Variants in FBN1 observed in about 807,000 individuals in gnomAD.
The protein encoded by FBN1 is fibrillin 1.
Under a neutral mutation model 365.1 loss-of-function variants are expected in FBN1, and 29 were observed. That is an observed-to-expected ratio of 0.08 (90% CI 0.06 to 0.11). The LOEUF (loss-of-function observed/expected upper bound fraction) is 0.11. Among genes scored for constraint, FBN1 ranks in the 10% least tolerant of loss-of-function variants. The pLI, the probability that FBN1 is intolerant of heterozygous loss-of-function variation, is 1.00. For synonymous variants in FBN1, 1,210 were observed against 1,270.5 expected (o/e 0.95, Z 1.01); for missense variants, 2,476 against 3,703.2 (o/e 0.67, Z 8.60).
At chr15:48,544,879 T>C (rs1027464987) in intron 6 of FBN1, among the ~76,000 whole-genome samples, 1 of 152,208 alleles carries the variant, frequency 6.6e-6, no homozygotes, top group Admixed American at 6.5e-5. Context: ...GGAGAATCGG[T>C]AAAGTCAAAT....
At chr15:48,574,481 G>T (rs922253435) in intron 6 of FBN1, among the ~76,000 whole-genome samples, 2 of 152,054 alleles carry the variant, frequency 1.3e-5, no homozygotes, top group African/African-American at 2.4e-5. Flanking sequence ...TCTGGCAAAG[G>T]AGTCTGGACT....
intron 24 of FBN1, among the ~76,000 whole-genome samples, chr15:48,491,670 A>G (rs893493700): frequency 6.6e-6 from 1 of 152,156 alleles, no homozygotes; most frequent in African/African-American, 2.4e-5. Context: ...AACTACCTAC[A>G]ATAGTCTTCA....
chr15:48,470,703 G>A lies in FBN1; in HGVS notation c.4390C>T (p.Leu1464Phe), dbSNP rs1161494614. ...NICVFGTCHNLPGLFRCECEI... is the reference protein window; with the variant it reads ...NICVFGTCHNFPGLFRCECEI... ...CACTCACAGCGGAACAGGCCAGGGA[G>A]GTTGTGGCAAGTTCCAAAGACACAG... The change falls in exon 36 of 66, where the codon CTC becomes TTC. Residue 1464 changes from leucine (L) to phenylalanine (F), a missense_variant. Around this residue, in one of 5 missense-constraint regions of FBN1, gnomAD observed 1,780 missense variants for 2,840.8 expected, o/e 0.63. Coordinates refer to ENST00000316623, the MANE Select transcript of FBN1 (RefSeq NM_000138.5). 6.2e-7 allele frequency: 1 copy of A among 1,614,080 alleles called. No individual in the cohort carries two copies. The highest frequency in any genetic ancestry group is 1.1e-5 in the South Asian group (1 of 91,052).
At chr15:48,416,121 T>C (rs893389330) in intron 63 of FBN1, among the ~76,000 whole-genome samples, 1 of 152,168 alleles carries the variant, frequency 6.6e-6, no homozygotes, top group African/African-American at 2.4e-5. Context: ...TGAACCAACA[T>C]GGGGCTGGTC....
At chr15:48,431,906 C>T (rs565803223) in intron 55 of FBN1, among the ~76,000 whole-genome samples, 5 of 152,222 alleles carry the variant, frequency 3.3e-5, no homozygotes, top group East Asian at 1.9e-4. Context: ...CCACCCACCT[C>T]GGCCTCCCAA....
chr15:48,638,876 A>G (rs754982636), intron 2 of FBN1, among the ~76,000 whole-genome samples: 13 of 152,188 alleles, frequency 8.5e-5, no homozygotes, highest in Non-Finnish European at 1.5e-4. Context: ...TCAGAAGCCC[A>G]CACAACGCCC....
intron 54 of FBN1, 119 bp from the exon 55 acceptor site, chr15:48,433,107 T>A: frequency 9.5e-7 from 1 of 1,051,850 alleles, no homozygotes. Context: ...GTCATAAACA[T>A]GGATGGATCA....
chr15:48,551,930 T>C (rs1007894578), intron 6 of FBN1, among the ~76,000 whole-genome samples: 6 of 152,234 alleles, frequency 3.9e-5, no homozygotes, highest in African/African-American at 1.4e-4. Context: ...GTGGATTTCA[T>C]TTCTTTGCTA....
At chr15:48,506,421 T>C (rs1323122796) in intron 15 of FBN1, among the ~76,000 whole-genome samples, 1 of 152,234 alleles carries the variant, frequency 6.6e-6, no homozygotes, top group Non-Finnish European at 1.5e-5. Context: ...TGTGTACAGA[T>C]TGTATTTGAA....
chr15:48,436,415 T>G (rs184430547), intron 53 of FBN1, among the ~76,000 whole-genome samples: 21 of 152,292 alleles, frequency 1.4e-4, no homozygotes, highest in African/African-American at 3.8e-4. Flanking sequence ...ACTCTGGAAT[T>G]CTTAGATAAC....
At chr15:48,552,662 A>C (rs1205246306) in intron 6 of FBN1, among the ~76,000 whole-genome samples, 1 of 152,164 alleles carries the variant, frequency 6.6e-6, no homozygotes, top group Non-Finnish European at 1.5e-5. Flanking sequence ...TATTTGTTTA[A>C]GTCACTGTGG....
At chr15:48,626,771 A>G (rs187880735) in intron 2 of FBN1, among the ~76,000 whole-genome samples, 108 of 152,272 alleles carry the variant, frequency 7.1e-4, no homozygotes, top group African/African-American at 2.5e-3. Flanking sequence ...ACATTTAGAT[A>G]TGTGGAAAAC....
intron 2 of FBN1, among the ~76,000 whole-genome samples, chr15:48,636,275 T>C (rs1053597073): frequency 2.6e-5 from 4 of 152,112 alleles, no homozygotes; most frequent in African/African-American, 4.8e-5. Context: ...CTAAAGACCA[T>C]GTAGAGAGGC....
At chr15:48,468,169 C>T in intron 37 of FBN1, 67 bp from the exon 38 acceptor site, 1 of 1,586,264 alleles carries the variant, frequency 6.3e-7, no homozygotes, top group Non-Finnish European at 8.7e-7. Flanking sequence ...AAATTCAAAC[C>T]CACTTCAGGA....
chr15:48,444,482 C>G, intron 49 of FBN1, 59 bp downstream of exon 49: 1 of 1,603,068 alleles, frequency 6.2e-7, no homozygotes, highest in Non-Finnish European at 8.5e-7. Context: ...AATTCTCATT[C>G]TGCTAAGTCC....
At chr15:48,580,179 G>A (rs868179342) in intron 6 of FBN1, among the ~76,000 whole-genome samples, 7 of 152,112 alleles carry the variant, frequency 4.6e-5, no homozygotes, top group South Asian at 2.1e-4. Context: ...ACACCATGGC[G>A]CTATCAAAGA....
intron 29 of FBN1, among the ~76,000 whole-genome samples, 198 bp from the exon 30 acceptor site, chr15:48,485,694 C>T (rs1477072829): frequency 6.6e-6 from 1 of 152,208 alleles, no homozygotes; most frequent in Non-Finnish European, 1.5e-5. Flanking sequence ...CCCCCTCTTG[C>T]TCTCTTTCAC....
At position 48,607,426 on chromosome 15, in the gene FBN1, T is replaced by C. The variant is rs186522723; in HGVS notation, c.346+3302A>G. The stretch of plus-strand genomic sequence containing the variant: ...TTTGTGTCCCCACAAAATTCATATG[T>C]TGAAACTTAGTCCCTAATGGGAGAG... On this transcript the variant is annotated intron_variant, in intron 4 of 65. Transcript: ENST00000316623. 3.3e-5 allele frequency among the ~76,000 whole-genome samples: 5 copies of C among 150,564 alleles called. No individual in the cohort carries two copies. In the East Asian group the frequency reaches 9.7e-4, roughly 29 times the overall value.
intron 6 of FBN1, among the ~76,000 whole-genome samples, chr15:48,543,311 T>A (rs1360398288): frequency 1.3e-5 from 2 of 152,128 alleles, no homozygotes; most frequent in Non-Finnish European, 2.9e-5. Flanking sequence ...GCAGCTTGTA[T>A]CTGAGTGGAA....
Sources: gnomAD v4.1 joint callset for allele counts (sites outside exome capture counted in the v4.1 genomes callset) on GRCh38, gnomAD v4.1.1 for gene constraint, gnomAD v4.1.1 regional missense constraint, MANE v1.5 for transcripts, NCBI Gene and HGNC (gene_info 2026-07-23, HGNC 2026-07-21) for gene names.